The following ECPAS variants were observed in gnomAD, a reference collection of about 807,000 sequenced individuals.
ECPAS encodes proteasome adapter and scaffold protein ECM29.
In ECPAS, 70 loss-of-function variants were observed where a neutral mutation model predicts 255.1. That is an observed-to-expected ratio of 0.27 (90% CI 0.23 to 0.33). The LOEUF (loss-of-function observed/expected upper bound fraction) is 0.33, where lower values mean the gene tolerates loss of function less well. Among genes scored for constraint, ECPAS ranks in the 10% least tolerant of loss-of-function variants. ECPAS has a pLI of 1.00. For missense variants in ECPAS, 1,817 were observed against 2,206.4 expected, an observed-to-expected ratio of 0.82 and a Z score of 3.54; for synonymous variants, 784 against 775.0, an observed-to-expected ratio of 1.01 and a Z score of -0.19.
At chr9:111,439,628 C>T (rs2098243080) in intron 6 of ECPAS, among the ~76,000 whole-genome samples, 1 of 152,082 alleles carries the variant, frequency 6.6e-6, no homozygotes, top group African/African-American at 2.4e-5. Context: ...TTTGAAGAAG[C>T]ATTCTAGGCA....
intron 27 of ECPAS, among the ~76,000 whole-genome samples, chr9:111,393,180 C>T (rs948910785): frequency 5.9e-5 from 9 of 152,168 alleles, no homozygotes; most frequent in African/African-American, 1.9e-4. Flanking sequence ...TATCCATGGG[C>T]TGTAAGTCAT....
intron 10 of ECPAS, among the ~76,000 whole-genome samples, chr9:111,426,573 T>C (rs577570049): frequency 1.3e-3 from 192 of 151,526 alleles, no homozygotes; most frequent in Non-Finnish European, 2.0e-3. Context: ...AAATGATACA[T>C]AGCCAAGCAT....
At chr9:111,363,889 T>C (rs2098117107) in intron 48 of ECPAS, among the ~76,000 whole-genome samples, 1 of 152,110 alleles carries the variant, frequency 6.6e-6, no homozygotes, top group African/African-American at 2.4e-5. Context: ...CAGCCAAGTA[T>C]ACCAATCACC....
chr9:111,408,939 C>T (rs2098189521), intron 23 of ECPAS, among the ~76,000 whole-genome samples: 1 of 152,150 alleles, frequency 6.6e-6, no homozygotes, highest in African/African-American at 2.4e-5. Flanking sequence ...CAAACTATAA[C>T]GATTTAAAAT....
intron 25 of ECPAS, among the ~76,000 whole-genome samples, chr9:111,395,758 C>T (rs1421614552): frequency 6.6e-6 from 1 of 152,160 alleles, no homozygotes; most frequent in Non-Finnish European, 1.5e-5. Context: ...CCTCTGTTAC[C>T]ACCTCTCACA....
In ECPAS at chr9:111,385,378, C is replaced by G. The variant is rs1222259296; in HGVS notation, c.3592G>C (p.Glu1198Gln). 4 of 1,581,176 alleles carry G rather than the reference C, an allele frequency of 2.5e-6. No homozygotes were observed. In the Admixed American group the frequency reaches 5.3e-5, roughly 21 times the overall value. ...PLDDIIDKLP[E>Q]IWETLFRVQD... ...ACTCTAAAAAGCGTTTCCCAAATTT[C>G]TGGAAGTTTATCAATGATGTCATCT... Residue 1198 changes from glutamate (E) to glutamine (Q), a missense_variant, in exon 33 of 50, where the codon GAA becomes CAA. Glu to Gln is a conservative substitution (Grantham distance 29, BLOSUM62 2). This residue lies in a region of ECPAS where 960 missense variants were observed against 1,179.0 expected (regional missense o/e 0.81). Coordinates refer to ENST00000684092, the MANE Select transcript of ECPAS (RefSeq NM_001364929.1).
intron 24 of ECPAS, among the ~76,000 whole-genome samples, chr9:111,403,608 T>C (rs1184318831): frequency 6.7e-6 from 1 of 149,602 alleles, no homozygotes; most frequent in Non-Finnish European, 1.5e-5. Context: ...CTCAAACGTA[T>C]AAAGCATAAT....
intron 24 of ECPAS, among the ~76,000 whole-genome samples, chr9:111,405,196 A>T (rs1048295282): frequency 1.3e-5 from 2 of 149,840 alleles, no homozygotes; most frequent in Non-Finnish European, 1.5e-5. Context: ...AAACAGCATG[A>T]AACTGGCATA....
At chr9:111,422,998 C>A (rs2098216432) in intron 13 of ECPAS, among the ~76,000 whole-genome samples, 2 of 152,184 alleles carry the variant, frequency 1.3e-5, no homozygotes, top group African/African-American at 4.8e-5. Flanking sequence ...CCATTTAATA[C>A]AGTAACATAC....
chr9:111,416,369 CA>C lies in ECPAS; in HGVS notation c.1684-18del, dbSNP rs775249421. On this transcript the variant is annotated intron_variant, in intron 17 of 49. Coordinates refer to ENST00000684092, the MANE Select transcript of ECPAS (RefSeq NM_001364929.1). The stretch of plus-strand genomic sequence containing the variant: ...ATGAGAAGCCTAAGTTTAAAAAGTC[CA>C]AAACAGACACAATTACTGAAAAATG... The C allele has an allele frequency of 1.3e-6, 2 of 1,593,976 alleles. No homozygotes were observed. The highest frequency in any genetic ancestry group is 1.7e-6 in the Non-Finnish European group (2 of 1,162,034).
At chr9:111,468,788 C>T (rs746386733) in intron 2 of ECPAS, among the ~76,000 whole-genome samples, 2 of 150,778 alleles carry the variant, frequency 1.3e-5, no homozygotes, top group African/African-American at 2.4e-5. Context: ...AGGGAATTCA[C>T]AAAAATTGGA....
At chr9:111,370,683 C>T (rs367882277) in intron 44 of ECPAS, 39 bp downstream of exon 44, 2 of 1,605,434 alleles carry the variant, frequency 1.2e-6, no homozygotes, top group Non-Finnish European at 1.7e-6. Context: ...TTTTCGGGTC[C>T]AGTTTAAGAA....
At chr9:111,468,628 T>TGAGAGA (rs199930694) in intron 2 of ECPAS, among the ~76,000 whole-genome samples, 77 of 140,040 alleles carry the variant, frequency 5.5e-4, no homozygotes, top group Non-Finnish European at 9.0e-4. Context: ...AGAGAGTGAG[T>TGAGAGA]GAGAGAGAGA....
At chr9:111,365,377 C>T (rs1279196215) in intron 48 of ECPAS, among the ~76,000 whole-genome samples, 1 of 151,658 alleles carries the variant, frequency 6.6e-6, no homozygotes, top group Non-Finnish European at 1.5e-5. Context: ...CTATAAAGAA[C>T]ATTACTGGCT....
At chr9:111,479,850 G>C (rs1027707380) in intron 1 of ECPAS, among the ~76,000 whole-genome samples, 2 of 151,640 alleles carry the variant, frequency 1.3e-5, no homozygotes, top group African/African-American at 4.8e-5. Flanking sequence ...GCAGTGACAG[G>C]TGCCTGTAAT....
chr9:111,413,763 G>C (rs1284801091), intron 20 of ECPAS, 132 bp downstream of exon 20: 5 of 481,544 alleles, frequency 1.0e-5, no homozygotes, highest in Non-Finnish European at 1.8e-5. Context: ...GTAAGTGTCT[G>C]ATGATAAGAG....
chr9:111,376,638 C>T (rs2098133637), intron 36 of ECPAS, 97 bp from the exon 37 acceptor site: 1 of 889,306 alleles, frequency 1.1e-6, no homozygotes. Flanking sequence ...AGCTAAAGAA[C>T]TTTAAAAAAA....
At chr9:111,404,320 A>G (rs1405194558) in intron 24 of ECPAS, among the ~76,000 whole-genome samples, 4 of 149,974 alleles carry the variant, frequency 2.7e-5, no homozygotes, top group Non-Finnish European at 5.9e-5. Flanking sequence ...AATGAAATGA[A>G]AAACTGGGTT....
At chr9:111,448,316 GGC>G (rs1427876336) in intron 3 of ECPAS, among the ~76,000 whole-genome samples, 5 of 151,646 alleles carry the variant, frequency 3.3e-5, no homozygotes, top group African/African-American at 1.2e-4. Flanking sequence ...TGCAGGCTGG[GGC>G]AAATATTTTA....
Sources: gnomAD v4.1 joint callset for allele counts (sites outside exome capture counted in the v4.1 genomes callset) on GRCh38, gnomAD v4.1.1 for gene constraint, gnomAD v4.1.1 regional missense constraint, MANE v1.5 for transcripts, NCBI Gene and HGNC (gene_info 2026-07-23, HGNC 2026-07-21) for gene names.